The following ZYX variants were observed in gnomAD, a reference collection of about 807,000 sequenced individuals.
ZYX encodes the protein zyxin.
A neutral mutation model predicts 58.1 loss-of-function variants in ZYX; 37 were observed. The ratio of observed to expected loss-of-function variants is 0.64; its 90% CI spans 0.49 to 0.84. The LOEUF (loss-of-function observed/expected upper bound fraction) is 0.84. Among genes scored for constraint, ZYX ranks in the 40% least tolerant of loss-of-function variants. The pLI, the probability that ZYX is intolerant of heterozygous loss-of-function variation, is 0.00. For synonymous variants in ZYX, 324 were observed against 321.1 expected (o/e 1.01, Z -0.10); for missense variants, 762 against 761.6 (o/e 1.00, Z -0.01).
intron 5 of ZYX, among the ~76,000 whole-genome samples, chr7:143,383,619 C>T (rs1563107825): frequency 6.6e-6 from 1 of 152,104 alleles, no homozygotes; most frequent in Non-Finnish European, 1.5e-5. Flanking sequence ...TGCCTTTACC[C>T]CAGAAAGTTA....
chr7:143,387,964 T>TCAGG lies in ZYX; in HGVS notation c.1024-254_1024-251dup. 1.7e-6 allele frequency: 1 copy of TCAGG among 574,274 alleles called. No homozygotes were observed. Among genetic ancestry groups the TCAGG allele is most frequent in the Non-Finnish European group, 3.3e-6 (1 of 304,962 alleles). 35.6% of individuals were successfully genotyped at this position (574,274 alleles called of 1,614,324 possible). A position where few individuals can be genotyped will look rare whatever the true frequency, so the allele number is the denominator to read the frequency against. ...GTCATTCTGGCCTGTCTGTGACTGC[T>TCAGG]CAGGGGGTTTGGGCAGAGTGGGTGG... On this transcript the variant is annotated intron_variant, in intron 5 of 9. Transcript: ENST00000322764. The surrounding 1 kb of genome is among the most constrained non-coding windows in gnomAD (Gnocchi z 5.8).
intron 2 of ZYX, 192 bp downstream of exon 2, chr7:143,381,971 C>G: frequency 3.1e-6 from 2 of 649,902 alleles, no homozygotes; most frequent in Admixed American, 3.2e-5. Flanking sequence ...CGTTCCAAGT[C>G]CCCCGCCTGG....
chr7:143,383,855 TC>T (rs1038897274), intron 5 of ZYX, among the ~76,000 whole-genome samples: 3 of 152,198 alleles, frequency 2.0e-5, no homozygotes, highest in Non-Finnish European at 4.4e-5. Context: ...AGCTCAGCCT[TC>T]AGGTGTCAGA....
At chr7:143,383,927 G>A (rs1804763146) in intron 5 of ZYX, among the ~76,000 whole-genome samples, 1 of 152,194 alleles carries the variant, frequency 6.6e-6, no homozygotes, top group South Asian at 2.1e-4. Flanking sequence ...GGCAAGTTAG[G>A]TGAACCCTGA....
rs753629228 is a variant in ZYX, at chr7:143,387,822, G to A, written c.1024-397G>A. The stretch of plus-strand genomic sequence containing the variant: ...TGTGCGCGTGTGTGCACGCCATTGC[G>A]TGCCCCTGTCCCATGGGGGCGATGT... On this transcript the variant is annotated intron_variant, in intron 5 of 9. Coordinates refer to ENST00000322764, the MANE Select transcript of ZYX (RefSeq NM_003461.5). This position sits in a 1 kb window ranked among gnomAD's most constrained non-coding sequence, Gnocchi z 5.8. The A allele has an allele frequency of 2.3e-5, 11 of 477,750 alleles. No homozygotes were observed. Among genetic ancestry groups the A allele is most frequent in the South Asian group, 3.1e-5 (2 of 64,632 alleles). 29.6% of individuals were successfully genotyped at this position (477,750 alleles called of 1,614,324 possible).
At position 143,382,633 on chromosome 7, in the gene ZYX, C is replaced by G. The variant is rs373618081; in HGVS notation, c.449C>G (p.Ser150Cys). ...AGCAGTATTGATTTGGAGATCGACT[C>G]TCTGTCCTCACTGCTGGATGACATG... is the stretch of plus-strand genomic sequence containing the variant. The part of the protein sequence containing the change: ...KVSSIDLEID[S>C]LSSLLDDMTK... The change falls in exon 4 of 10, where the codon TCT becomes TGT. Residue 150 changes from serine (S) to cysteine (C), a missense_variant. Coordinates refer to ENST00000322764, the MANE Select transcript of ZYX (RefSeq NM_003461.5). 2 of 1,614,106 alleles carry G rather than the reference C, an allele frequency of 1.2e-6. No homozygotes were observed. The highest frequency in any genetic ancestry group is 3.3e-5 in the Admixed American group (2 of 60,024).
Position 143,382,801 on chromosome 7 carries a change from G to C in ZYX, c.502G>C (p.Val168Leu). The C allele has an allele frequency of 6.2e-7, 1 of 1,606,468 alleles. No homozygotes were observed. The highest frequency in any genetic ancestry group is 1.1e-5 in the South Asian group (1 of 90,034). Residue 168 changes from valine to leucine, a missense_variant and splice_region_variant, in exon 5 of 10, where the codon GTG becomes CTG. Val to Leu is a conservative substitution (Grantham distance 32). Transcript: ENST00000322764. ...CTCTTCCCTCTCCCACCCCTTGCAG[G>C]TGTCATCTGGATATGTGCCCCCACC... Reference protein sequence around the residue: ...MTKNDPFKARVSSGYVPPPVA... With the variant: ...MTKNDPFKARLSSGYVPPPVA...
intron 5 of ZYX, among the ~76,000 whole-genome samples, chr7:143,386,710 T>C (rs1804878920): frequency 6.6e-6 from 1 of 150,604 alleles, no homozygotes; most frequent in South Asian, 2.1e-4. Flanking sequence ...CAGGGGTGGG[T>C]TGCGGGTGGG....
Position 143,382,997 on chromosome 7 carries a change from A to C in ZYX, c.698A>C (p.Gln233Pro), listed in dbSNP as rs765804081. The change falls in exon 5 of 10, where the codon CAG (glutamine) becomes CCG (proline). Residue 233 changes from glutamine to proline, a missense_variant. By Grantham distance (76) the Gln-to-Pro change is moderately conservative. Transcript: ENST00000322764. ...HVQPQPQPKP[Q>P]VQLHVQSQTQ... ...CAGCCCCAGCCCCAGCCCAAGCCTC[A>C]GGTCCAACTCCATGTCCAGTCCCAG... 6.2e-7 allele frequency: 1 copy of C among 1,613,658 alleles called. No individual in the cohort carries two copies. Among genetic ancestry groups the C allele is most frequent in the South Asian group, 1.1e-5 (1 of 91,048 alleles).
rs1452511546 is a variant in ZYX, at chr7:143,390,819, G to T, written c.*137G>T. 4.3e-6 allele frequency: 3 copies of T among 699,484 alleles called. No homozygotes were observed. Among genetic ancestry groups the T allele is most frequent in the Admixed American group, 4.4e-5 (2 of 45,218 alleles). The allele number at this position is 699,484 out of a possible 1,614,324, so 43.3% of individuals were successfully genotyped here. A position where few individuals can be genotyped will look rare whatever the true frequency, so the allele number is the denominator to read the frequency against. On this transcript the variant is annotated 3_prime_UTR_variant, in exon 10 of 10. Coordinates refer to ENST00000322764, the MANE Select transcript of ZYX (RefSeq NM_003461.5). The surrounding 1 kb of genome is among the most constrained non-coding windows in gnomAD (Gnocchi z 4.3). ...CCAACCCCTCCCTAGCATCCCAGGT[G>T]CCCTGACCCAGGACCCAACATGGTC...
chr7:143,382,516 T>C (rs1233961270), intron 3 of ZYX, 69 bp downstream of exon 3: 4 of 1,593,130 alleles, frequency 2.5e-6, no homozygotes, highest in Non-Finnish European at 3.4e-6. Flanking sequence ...CCCTTTCTTC[T>C]TACCTCCCCT....
intron 5 of ZYX, among the ~76,000 whole-genome samples, chr7:143,386,771 G>A (rs1202572912): frequency 1.3e-5 from 2 of 152,146 alleles, no homozygotes; most frequent in Non-Finnish European, 2.9e-5. Context: ...TGGGGAAGAG[G>A]AGAGGCAGAT....
rs1421574973 is a variant in ZYX at position 143,381,663 on chromosome 7, C to T, written c.92C>T (p.Ala31Val). The T allele has an allele frequency of 1.2e-6, 2 of 1,611,826 alleles. No homozygotes were observed. The highest frequency in any genetic ancestry group is 1.7e-6 in the Non-Finnish European group (2 of 1,179,426). The change falls in exon 2 of 10, where the codon GCC becomes GTC. Residue 31 changes from alanine (A) to valine (V), a missense_variant. By Grantham distance (64) the Ala-to-Val change is moderately conservative. Transcript: ENST00000322764. ...APQKKFGPVV[A>V]PKPKVNPFRP... ...CAGAAGAAGTTCGGCCCTGTGGTGG[C>T]CCCAAAGCCCAAAGTGAATCCCTTC... is the stretch of plus-strand genomic sequence containing the variant.
chr7:143,390,744 C>A lies in ZYX; in HGVS notation c.*62C>A. The A allele has an allele frequency of 8.7e-7, 1 of 1,148,576 alleles. No individual in the cohort carries two copies. The highest frequency in any genetic ancestry group is 1.3e-6 in the Non-Finnish European group (1 of 787,792). 71.1% of individuals were successfully genotyped at this position (1,148,576 alleles called of 1,614,324 possible). ...CCATTGTGGACCACCCACACTGAGA[C>A]CACCTGCCCCCACCTCAGTTATTGT... On this transcript the variant is annotated 3_prime_UTR_variant, in exon 10 of 10. Coordinates refer to ENST00000322764, the MANE Select transcript of ZYX (RefSeq NM_003461.5). This position sits in a 1 kb window ranked among gnomAD's most constrained non-coding sequence, Gnocchi z 4.3.
At position 143,387,613 on chromosome 7, in the gene ZYX, GGCT is replaced by G. The variant is rs879104481; in HGVS notation, c.1024-601_1024-599del. ...GGGGTGGCCTTTGGACCTTCTCTGA[GGCT>G]GCTGGGGAGGGACCTGAGTGAGGTA... On this transcript the variant is annotated intron_variant, in intron 5 of 9. Coordinates refer to ENST00000322764, the MANE Select transcript of ZYX (RefSeq NM_003461.5). The surrounding 1 kb of genome is among the most constrained non-coding windows in gnomAD (Gnocchi z 5.8). 15 of 446,042 alleles carry G rather than the reference GGCT, an allele frequency of 3.4e-5. No homozygotes were observed. Among genetic ancestry groups the G allele is most frequent in the South Asian group, 2.4e-4 (15 of 61,246 alleles). The allele number at this position is 446,042 out of a possible 1,614,324, so 27.6% of individuals were successfully genotyped here.
rs1460028821 is a variant in ZYX at position 143,389,837 on chromosome 7, G to A, written c.1494-20G>A. ...ATGAAAGCCCTGGCTAACTCGGCTGGCCCTTTCTGCCCCTTCCAGGCAGTA... is the reference window on the plus strand; with the variant it reads ...ATGAAAGCCCTGGCTAACTCGGCTGACCCTTTCTGCCCCTTCCAGGCAGTA... On this transcript the variant is annotated intron_variant, in intron 8 of 9. Coordinates refer to ENST00000322764, the MANE Select transcript of ZYX (RefSeq NM_003461.5). The surrounding 1 kb of genome is among the most constrained non-coding windows in gnomAD (Gnocchi z 5.6). 3.1e-6 allele frequency: 5 copies of A among 1,612,768 alleles called. No homozygotes were observed. Among genetic ancestry groups the A allele is most frequent in the Non-Finnish European group, 4.2e-6 (5 of 1,179,716 alleles).
Position 143,390,824 on chromosome 7 carries a change from G to T in ZYX, c.*142G>T. The T allele has an allele frequency of 1.5e-6, 1 of 666,334 alleles. No homozygotes were observed. Among genetic ancestry groups the T allele is most frequent in the Non-Finnish European group, 2.7e-6 (1 of 375,938 alleles). The allele number at this position is 666,334 out of a possible 1,614,324, so 41.3% of individuals were successfully genotyped here. ...CCCTCCCTAGCATCCCAGGTGCCCT[G>T]ACCCAGGACCCAACATGGTCTAGGG... On this transcript the variant is annotated 3_prime_UTR_variant, in exon 10 of 10. Transcript: ENST00000322764. This position sits in a 1 kb window ranked among gnomAD's most constrained non-coding sequence, Gnocchi z 4.3.
In ZYX at chr7:143,389,909, G is replaced by C. The variant is rs1805008712; in HGVS notation, c.1546G>C (p.Gly516Arg). The C allele has an allele frequency of 6.2e-7, 1 of 1,614,090 alleles. No homozygotes were observed. The highest frequency in any genetic ancestry group is 1.3e-5 in the African/African-American group (1 of 74,938). Residue 516 changes from glycine to arginine, a missense_variant, in exon 9 of 10, where the codon GGC (glycine) becomes CGC (arginine). Physicochemically the swap from Gly to Arg is moderately radical, Grantham distance 125. Coordinates refer to ENST00000322764, the MANE Select transcript of ZYX (RefSeq NM_003461.5). This position sits in a 1 kb window ranked among gnomAD's most constrained non-coding sequence, Gnocchi z 5.6. ...VCSEPIMPEP[G>R]RDETVRVVAL... Reference sequence around the variant, plus strand: ...CTCTGAGCCCATCATGCCTGAGCCTGGCCGAGATGAGACTGTGCGAGTGGT... The same window carrying C: ...CTCTGAGCCCATCATGCCTGAGCCTCGCCGAGATGAGACTGTGCGAGTGGT...
In ZYX at chr7:143,383,046, C is replaced by T. The variant is rs778789724; in HGVS notation, c.747C>T (p.Asn249=). 1.2e-6 allele frequency: 2 copies of T among 1,614,178 alleles called. No homozygotes were observed. The highest frequency in any genetic ancestry group is 1.3e-5 in the African/African-American group (1 of 75,044). ...AGACCCAGCCTGTGTCTTTGGCTAA[C>T]ACCCAGCCCCGAGGGCCCCCAGCCT... ...QSQTQPVSLA[N]TQPRGPPASS... is the part of the protein sequence containing the mutation. Residue 249 remains asparagine (N), a synonymous_variant, in exon 5 of 10, where the codon AAC becomes AAT. Transcript: ENST00000322764.
Sources: allele counts gnomAD v4.1 joint callset (sites outside exome capture counted in the v4.1 genomes callset), GRCh38; gene constraint gnomAD v4.1.1; non-coding constraint Gnocchi (gnomAD v3.1); transcripts MANE v1.5; gene names NCBI Gene and HGNC (gene_info 2026-07-23, HGNC 2026-07-21).